Variants in KLF8 observed in about 807,000 individuals in gnomAD.
The protein encoded by KLF8 is KLF transcription factor 8.
KLF8 carries 10 observed loss-of-function variants against 18.2 expected under a neutral mutation model. The observed-to-expected ratio is 0.55, with a 90% CI of 0.34 to 0.93. The LOEUF is 0.93. KLF8 is among the 40% of genes least tolerant of loss of function. The probability of loss-of-function intolerance (pLI) is 0.02; values close to 1 mark genes in which losing one functional copy is unlikely to be tolerated. For missense variants in KLF8, 264 were observed against 277.9 expected (o/e 0.95, Z 0.36); for synonymous variants, 109 against 97.3 (o/e 1.12, Z -0.71).
At chrX:56,008,118 C>CTATATATATATATA in the KLF8 span, among the ~76,000 whole-genome samples, 60 of 99,812 alleles carry the variant, frequency 6.0e-4, no homozygotes, top group African/African-American at 1.9e-3. Context: ...TAGTGCAAAG[C>CTATATATATATATA]TATATATATA....
chrX:55,993,044 A>C, the KLF8 span, among the ~76,000 whole-genome samples: 1 of 111,383 alleles, frequency 9.0e-6, no homozygotes, highest in Non-Finnish European at 1.9e-5. Context: ...TCATCTGAGA[A>C]GAGAGGTAGT....
At chrX:56,111,989 C>T in the KLF8 span, among the ~76,000 whole-genome samples, 1 of 111,545 alleles carries the variant, frequency 9.0e-6, no homozygotes, top group Non-Finnish European at 1.9e-5. Context: ...TGGGTATATA[C>T]CCAAAGGGTT....
At chrX:56,132,524 TA>T in the KLF8 span, among the ~76,000 whole-genome samples, 1 of 110,299 alleles carries the variant, frequency 9.1e-6, no homozygotes, top group Non-Finnish European at 1.9e-5. Flanking sequence ...AATCCCTACA[TA>T]AAAAAATCTG....
At chrX:56,223,704 G>A in the KLF8 span, among the ~76,000 whole-genome samples, 1 of 112,044 alleles carries the variant, frequency 8.9e-6, no homozygotes, top group African/African-American at 3.2e-5. Context: ...ATTACAAAAT[G>A]TGATTATTAT....
At chrX:56,008,956 C>T in the KLF8 span, among the ~76,000 whole-genome samples, 2 of 111,954 alleles carry the variant, frequency 1.8e-5, no homozygotes, top group Admixed American at 9.4e-5. Flanking sequence ...GACAGAGGCC[C>T]TAGAAGGAGT....
At chrX:56,182,919 G>T in the KLF8 span, among the ~76,000 whole-genome samples, 1 of 112,343 alleles carries the variant, frequency 8.9e-6, no homozygotes, top group Non-Finnish European at 1.9e-5. Flanking sequence ...CAGGGGTCAG[G>T]GACCCACTTG....
chrX:56,219,913 G>T, the KLF8 span, among the ~76,000 whole-genome samples: 5 of 112,038 alleles, frequency 4.5e-5, no homozygotes, highest in Admixed American at 4.7e-4. Flanking sequence ...GGGCAGTAGA[G>T]ATTACAATCT....
chrX:56,279,147 G>A (rs960906662), intron 5 of KLF8, among the ~76,000 whole-genome samples: 2 of 110,873 alleles, frequency 1.8e-5, no homozygotes, highest in Admixed American at 9.6e-5. Flanking sequence ...CTGATTTTTC[G>A]TTCTTTTTTT....
At chrX:56,047,821 G>T in the KLF8 span, among the ~76,000 whole-genome samples, 8 of 111,426 alleles carry the variant, frequency 7.2e-5, no homozygotes, top group Non-Finnish European at 1.3e-4. Context: ...TCTAGTTCTA[G>T]ATCCCTGAGG....
At chrX:56,043,718 T>C in the KLF8 span, among the ~76,000 whole-genome samples, 2 of 112,397 alleles carry the variant, frequency 1.8e-5, no homozygotes, top group African/African-American at 6.5e-5. Context: ...TTTATCATGA[T>C]TCTTAACTTT....
At chrX:55,988,842 C>T in the KLF8 span, among the ~76,000 whole-genome samples, 311 of 111,236 alleles carry the variant, frequency 2.8e-3, 1 homozygote, top group Middle Eastern at 4.6e-3. Context: ...GAGCATGGAA[C>T]GTTCTTTCAT....
the KLF8 span, among the ~76,000 whole-genome samples, chrX:56,111,194 T>C: frequency 1.8e-5 from 2 of 112,657 alleles, no homozygotes; most frequent in Non-Finnish European, 3.8e-5. Context: ...ATCATATCTT[T>C]AAATTATTGA....
At chrX:56,145,270 A>T in the KLF8 span, among the ~76,000 whole-genome samples, 1 of 112,191 alleles carries the variant, frequency 8.9e-6, no homozygotes, top group South Asian at 3.7e-4. Context: ...TCATAGTGTG[A>T]TACTACTTCA....
the KLF8 span, among the ~76,000 whole-genome samples, chrX:56,096,210 A>G: frequency 9.0e-6 from 1 of 111,528 alleles, no homozygotes; most frequent in African/African-American, 3.3e-5. Flanking sequence ...GCCAAATACT[A>G]CGTATTCTCA....
the KLF8 span, among the ~76,000 whole-genome samples, chrX:55,917,948 G>A: frequency 0.015 from 1,726 of 111,813 alleles, 26 homozygotes; most frequent in African/African-American, 0.054. Context: ...ATTAACACCA[G>A]AGCCCTTGCC....
chrX:56,209,468 C>T, the KLF8 span, among the ~76,000 whole-genome samples: 1 of 110,437 alleles, frequency 9.1e-6, no homozygotes, highest in Non-Finnish European at 1.9e-5. Context: ...TCATTATTCA[C>T]AAATAAGGAC....
intron 2 of KLF8, among the ~76,000 whole-genome samples, chrX:56,264,776 G>A (rs1408525170): frequency 1.8e-5 from 2 of 110,956 alleles, no homozygotes; most frequent in Admixed American, 9.6e-5. Flanking sequence ...TTGCTTGTAT[G>A]CCTGTTACAT....
the KLF8 span, among the ~76,000 whole-genome samples, chrX:56,198,923 A>C: frequency 8.9e-6 from 1 of 111,814 alleles, no homozygotes; most frequent in African/African-American, 3.3e-5. Context: ...CAGAGGCCTC[A>C]GAAATAACAC....
the KLF8 span, among the ~76,000 whole-genome samples, chrX:56,189,300 G>A: frequency 8.9e-6 from 1 of 112,143 alleles, no homozygotes; most frequent in African/African-American, 3.2e-5. Flanking sequence ...TCAGAGAAAT[G>A]CAAGTCAAAA....
Sources: gnomAD v4.1 joint callset for allele counts (sites outside exome capture counted in the v4.1 genomes callset) on GRCh38, gnomAD v4.1.1 for gene constraint, MANE v1.5 for transcripts, NCBI Gene and HGNC (gene_info 2026-07-23, HGNC 2026-07-21) for gene names.